RBMS3: variants seen among roughly 807,000 people sequenced by gnomAD.
RBMS3 encodes the protein RNA binding motif single stranded interacting protein 3.
Under a neutral mutation model 66.8 loss-of-function variants are expected in RBMS3, and 27 were observed. The ratio of observed to expected loss-of-function variants is 0.40; its 90% CI spans 0.30 to 0.56. The LOEUF is 0.56. Ranked by LOEUF, RBMS3 falls within the 20% of genes least tolerant of loss-of-function variation. RBMS3 has a pLI of 0.40. For synonymous variants in RBMS3, 188 were observed against 183.0 expected, an observed-to-expected ratio of 1.03 and a Z score of -0.22; for missense variants, 513 against 549.5, an observed-to-expected ratio of 0.93 and a Z score of 0.66.
intron 4 of RBMS3, among the ~76,000 whole-genome samples, chr3:29,648,345 C>T (rs2050020629): frequency 7.2e-6 from 1 of 138,832 alleles, no homozygotes; most frequent in Non-Finnish European, 1.5e-5. Context: ...AATAATGGCT[C>T]ACTGCAGACT....
At chr3:29,854,389 G>C (rs774852434) in intron 6 of RBMS3, among the ~76,000 whole-genome samples, 9 of 152,182 alleles carry the variant, frequency 5.9e-5, no homozygotes, top group Non-Finnish European at 1.3e-4. Flanking sequence ...AAAGGAAAGG[G>C]GTTCTTCCTC....
chr3:29,646,397 C>T (rs2049922166), intron 4 of RBMS3, among the ~76,000 whole-genome samples: 1 of 152,144 alleles, frequency 6.6e-6, no homozygotes, highest in African/African-American at 2.4e-5. Flanking sequence ...CTGAGACTCT[C>T]AGAAGGTGCA....
chr3:29,872,652 T>C (rs2059519668), intron 7 of RBMS3, among the ~76,000 whole-genome samples: 1 of 152,126 alleles, frequency 6.6e-6, no homozygotes, highest in East Asian at 1.9e-4. Context: ...ATTTGGTAAA[T>C]AGACACTGCC....
At chr3:29,633,041 G>C (rs2049342581) in intron 4 of RBMS3, among the ~76,000 whole-genome samples, 1 of 151,878 alleles carries the variant, frequency 6.6e-6, no homozygotes, top group African/African-American at 2.4e-5. Flanking sequence ...TTCCAGGCAA[G>C]TAAGTTCTAG....
chr3:29,628,414 GACTTCAGTGGGAGTAA>G (rs991921281), intron 4 of RBMS3, among the ~76,000 whole-genome samples: 1 of 152,070 alleles, frequency 6.6e-6, no homozygotes, highest in African/African-American at 2.4e-5. Flanking sequence ...TCTCAGAATG[GACTTCAGTGGGAGTAA>G]ACTTCAGAGG....
At chr3:29,497,969 A>ATCCTTTTTTT (rs1553611689) in intron 3 of RBMS3, among the ~76,000 whole-genome samples, 2 of 59,280 alleles carry the variant, frequency 3.4e-5, no homozygotes, top group Non-Finnish European at 3.4e-5. Flanking sequence ...CTCTAAAAGT[A>ATCCTTTTTTT]TTCATTTTTT....
intron 6 of RBMS3, among the ~76,000 whole-genome samples, chr3:29,811,065 G>C (rs1464506314): frequency 6.6e-6 from 1 of 152,120 alleles, no homozygotes; most frequent in Non-Finnish European, 1.5e-5. Flanking sequence ...TCTCTTTTAA[G>C]TCTAAATTTA....
chr3:29,959,599 A>G (rs137896737), intron 12 of RBMS3, among the ~76,000 whole-genome samples: 2 of 152,284 alleles, frequency 1.3e-5, no homozygotes, highest in African/African-American at 4.8e-5. Flanking sequence ...TGGGAGGTAT[A>G]TAAGTTCATT....
At chr3:29,587,445 T>C (rs2047572843) in intron 4 of RBMS3, among the ~76,000 whole-genome samples, 1 of 151,876 alleles carries the variant, frequency 6.6e-6, no homozygotes, top group East Asian at 1.9e-4. Flanking sequence ...TCTGTCTGGC[T>C]TATTTCATTG....
At chr3:29,477,234 G>A (rs748011038) in intron 2 of RBMS3, among the ~76,000 whole-genome samples, 5 of 152,074 alleles carry the variant, frequency 3.3e-5, no homozygotes, top group East Asian at 1.9e-4. Context: ...AAGGAAATGT[G>A]CTCAATATAA....
intron 1 of RBMS3, among the ~76,000 whole-genome samples, chr3:29,371,314 C>A (rs767069810): frequency 1.3e-5 from 2 of 152,220 alleles, no homozygotes; most frequent in Non-Finnish European, 2.9e-5. Context: ...ATCTTTGAAA[C>A]AGAAACAGAC....
intron 8 of RBMS3, among the ~76,000 whole-genome samples, chr3:29,896,635 T>A (rs1290861489): frequency 6.6e-6 from 1 of 151,544 alleles, no homozygotes; most frequent in Non-Finnish European, 1.5e-5. Context: ...TGAGCAGAAA[T>A]GGACATTTCA....
chr3:29,956,203 T>C (rs1193508553), intron 12 of RBMS3, among the ~76,000 whole-genome samples: 2 of 152,142 alleles, frequency 1.3e-5, no homozygotes, highest in Admixed American at 1.3e-4. Flanking sequence ...TTGTAAGATG[T>C]GTTTAATGGT....
At chr3:29,943,267 T>A (rs1392101610) in intron 11 of RBMS3, among the ~76,000 whole-genome samples, 1 of 151,842 alleles carries the variant, frequency 6.6e-6, no homozygotes, top group Non-Finnish European at 1.5e-5. Flanking sequence ...TATTTAACCA[T>A]GTGTTGGCAG....
At chr3:29,541,381 C>T (rs2045750114) in intron 3 of RBMS3, among the ~76,000 whole-genome samples, 1 of 152,176 alleles carries the variant, frequency 6.6e-6, no homozygotes, top group Non-Finnish European at 1.5e-5. Context: ...CAACTCTGCT[C>T]TTCCAGTTGC....
At chr3:29,638,177 A>C (rs2049544762) in intron 4 of RBMS3, among the ~76,000 whole-genome samples, 1 of 151,890 alleles carries the variant, frequency 6.6e-6, no homozygotes, top group Admixed American at 6.6e-5. Context: ...ATCAGAGCCC[A>C]AAACACAATT....
intron 6 of RBMS3, among the ~76,000 whole-genome samples, chr3:29,818,019 T>A (rs528312833): frequency 9.9e-4 from 151 of 152,184 alleles, no homozygotes; most frequent in Admixed American, 1.6e-3. Context: ...TAACACTATG[T>A]TCAATGTTTC....
At chr3:29,471,741 A>G (rs1170062548) in intron 2 of RBMS3, among the ~76,000 whole-genome samples, 3 of 95,954 alleles carry the variant, frequency 3.1e-5, no homozygotes, top group African/African-American at 1.3e-4. Flanking sequence ...TTTTTTTGGT[A>G]ATTACTGTCC....
chr3:29,421,064 GA>G (rs2040706983), intron 1 of RBMS3, among the ~76,000 whole-genome samples: 1 of 151,624 alleles, frequency 6.6e-6, no homozygotes, highest in Non-Finnish European at 1.5e-5. Context: ...AGTGAGCTAA[GA>G]TCGCGCCACT....
Sources: gnomAD v4.1 joint callset for allele counts (sites outside exome capture counted in the v4.1 genomes callset) on GRCh38, gnomAD v4.1.1 for gene constraint, MANE v1.5 for transcripts, NCBI Gene and HGNC (gene_info 2026-07-23, HGNC 2026-07-21) for gene names.